MEF2C: variants seen among roughly 807,000 people sequenced by gnomAD.
The protein encoded by MEF2C is myocyte enhancer factor 2C, also known as myocyte-specific enhancer factor 2C.
MEF2C carries 6 observed loss-of-function variants against 50.5 expected under a neutral mutation model. That is an observed-to-expected ratio of 0.12 (90% CI 0.07 to 0.23). MEF2C has a LOEUF of 0.23. Among genes scored for constraint, MEF2C ranks in the 10% least tolerant of loss-of-function variants. MEF2C has a pLI of 1.00. For missense variants in MEF2C, 276 were observed against 605.0 expected (o/e 0.46, Z 5.70); for synonymous variants, 183 against 228.0 (o/e 0.80, Z 1.78).
chr5:88,778,709 A>T (rs146562368), intron 3 of MEF2C, among the ~76,000 whole-genome samples: 10 of 152,242 alleles, frequency 6.6e-5, no homozygotes, highest in Non-Finnish European at 1.2e-4. Flanking sequence ...GAGGAAAAAT[A>T]AAGTAAATGA....
At chr5:88,743,634 A>C (rs1035919867) in intron 6 of MEF2C, 1 of 984,866 alleles carries the variant, frequency 1.0e-6, no homozygotes, top group African/African-American at 1.7e-5. Flanking sequence ...GTAAGTACTA[A>C]GTTCAAAGGT....
intron 2 of MEF2C, among the ~76,000 whole-genome samples, chr5:88,807,314 T>C (rs1800897079): frequency 6.6e-6 from 1 of 152,048 alleles, no homozygotes; most frequent in African/African-American, 2.4e-5. Flanking sequence ...GCCTCCACTT[T>C]CCAGGGTCAA....
chr5:88,762,308 T>C (rs890576485), intron 3 of MEF2C, among the ~76,000 whole-genome samples: 9 of 152,228 alleles, frequency 5.9e-5, no homozygotes, highest in African/African-American at 2.2e-4. Flanking sequence ...GACAGGATTT[T>C]GCTCTGTCGC....
chr5:88,785,665 GTTAA>G (rs966468537), intron 3 of MEF2C: 6 of 152,072 alleles, frequency 3.9e-5, no homozygotes, highest in Admixed American at 2.6e-4. Context: ...AGTTTCCTCT[GTTAA>G]TTATTACACG....
chr5:88,754,304 G>T (rs1313256583), intron 4 of MEF2C, among the ~76,000 whole-genome samples: 1 of 152,174 alleles, frequency 6.6e-6, no homozygotes, highest in Non-Finnish European at 1.5e-5. Flanking sequence ...CATAGATCTT[G>T]CTGTGATCTG....
chr5:88,845,641 G>A (rs942071559), intron 1 of MEF2C, among the ~76,000 whole-genome samples: 3 of 152,170 alleles, frequency 2.0e-5, no homozygotes, highest in African/African-American at 7.2e-5. Context: ...TAATGCATAT[G>A]AGTCTTCTAT....
intron 6 of MEF2C, chr5:88,734,474 C>T (rs759159234): frequency 4.0e-4 from 395 of 983,464 alleles, no homozygotes; most frequent in Middle Eastern, 5.2e-4. Flanking sequence ...GAAGTAAAAC[C>T]GCTTCGTGAA....
At chr5:88,838,653 A>G (rs1816109045) in intron 1 of MEF2C, 1 of 985,342 alleles carries the variant, frequency 1.0e-6, no homozygotes, top group African/African-American at 1.7e-5. Flanking sequence ...TACCTTGAGT[A>G]GGTTTCTAAA....
chr5:88,798,147 G>C (rs1203568123), intron 3 of MEF2C, among the ~76,000 whole-genome samples: 1 of 152,090 alleles, frequency 6.6e-6, no homozygotes, highest in Non-Finnish European at 1.5e-5. Context: ...GGAGTATCTT[G>C]TGGTGTTCTC....
chr5:88,777,135 A>C (rs1785159059), intron 3 of MEF2C, among the ~76,000 whole-genome samples: 1 of 152,224 alleles, frequency 6.6e-6, no homozygotes, highest in African/African-American at 2.4e-5. Flanking sequence ...GATGAGCTTA[A>C]GGGTATCATT....
intron 3 of MEF2C, among the ~76,000 whole-genome samples, chr5:88,789,974 C>T (rs1406658686): frequency 1.3e-5 from 2 of 152,174 alleles, no homozygotes; most frequent in Admixed American, 6.6e-5. Context: ...ACTACTATCT[C>T]TCTGCACCCA....
At chr5:88,734,945 T>G (rs1272484706) in intron 6 of MEF2C, 18 of 985,284 alleles carry the variant, frequency 1.8e-5, no homozygotes, top group Non-Finnish European at 2.0e-5. Flanking sequence ...AAATTCTGCT[T>G]TTTGCTAGTG....
chr5:88,729,894 C>T (rs1253942805), intron 8 of MEF2C, among the ~76,000 whole-genome samples: 2 of 151,840 alleles, frequency 1.3e-5, no homozygotes, highest in Non-Finnish European at 2.9e-5. Context: ...AAAGATCCAC[C>T]ACATAAACTT....
At chr5:88,880,709 C>T (rs963886437) in intron 1 of MEF2C, 15 of 151,682 alleles carry the variant, frequency 9.9e-5, no homozygotes, top group Non-Finnish European at 1.9e-4. Flanking sequence ...TCAAAATGAA[C>T]ATGTTTACAA....
intron 1 of MEF2C, among the ~76,000 whole-genome samples, chr5:88,899,362 T>C (rs1391399662): frequency 6.6e-6 from 1 of 152,174 alleles, no homozygotes; most frequent in Non-Finnish European, 1.5e-5. Context: ...CCACCAATAA[T>C]ATTCCAGATT....
intron 3 of MEF2C, among the ~76,000 whole-genome samples, chr5:88,778,912 A>C (rs1786274709): frequency 6.6e-6 from 1 of 152,192 alleles, no homozygotes; most frequent in South Asian, 2.1e-4. Flanking sequence ...GGCTGGCAGG[A>C]CCTGACTCAG....
intron 2 of MEF2C, among the ~76,000 whole-genome samples, chr5:88,818,308 C>CT (rs1806522843): frequency 6.6e-6 from 1 of 151,880 alleles, no homozygotes; most frequent in African/African-American, 2.4e-5. Context: ...TGTTGTTGAA[C>CT]TTTTTAAACC....
At chr5:88,861,255 C>A (rs1221207256) in intron 1 of MEF2C, among the ~76,000 whole-genome samples, 1 of 152,234 alleles carries the variant, frequency 6.6e-6, no homozygotes, top group Non-Finnish European at 1.5e-5. Flanking sequence ...TCAATCACTT[C>A]AAACACTTTT....
At chr5:88,751,428 G>C (rs1380760209) in intron 5 of MEF2C, 10 of 984,970 alleles carry the variant, frequency 1.0e-5, no homozygotes, top group African/African-American at 1.7e-5. Flanking sequence ...AAAAAAAATT[G>C]ACCCAAATAA....
Sources: gnomAD v4.1 joint callset for allele counts (sites outside exome capture counted in the v4.1 genomes callset) on GRCh38, gnomAD v4.1.1 for gene constraint, MANE v1.5 for transcripts, NCBI Gene and HGNC (gene_info 2026-07-23, HGNC 2026-07-21) for gene names.